The following NFATC1 variants were observed in gnomAD, a reference collection of about 807,000 sequenced individuals.
NFATC1 encodes nuclear factor of activated T-cells, cytoplasmic 1.
Under a neutral mutation model 76.0 loss-of-function variants are expected in NFATC1, and 22 were observed. That is an observed-to-expected ratio of 0.29 (90% CI 0.21 to 0.41). NFATC1 has a LOEUF of 0.41. Ranked by LOEUF, NFATC1 falls within the 10% of genes least tolerant of loss-of-function variation. The pLI is 1.00. For synonymous variants in NFATC1, 704 were observed against 613.1 expected, an observed-to-expected ratio of 1.15 and a Z score of -2.19; for missense variants, 1,357 against 1,337.7, an observed-to-expected ratio of 1.01 and a Z score of -0.23.
At chr18:79,436,859 C>T (rs908626569) in intron 3 of NFATC1, among the ~76,000 whole-genome samples, 3 of 152,086 alleles carry the variant, frequency 2.0e-5, no homozygotes, top group African/African-American at 4.8e-5. Flanking sequence ...GAGCACTGAG[C>T]GTGCCCCCTG....
chr18:79,433,674 A>G lies in NFATC1; in HGVS notation c.1322A>G (p.His441Arg). Reference sequence around the variant, plus strand: ...CAGCCCAAGTCCCACCACCGAGCCCACTACGAGACGGAGGGCAGCCGGGGG... The same window carrying G: ...CAGCCCAAGTCCCACCACCGAGCCCGCTACGAGACGGAGGGCAGCCGGGGG... The part of the protein sequence containing the change: ...EVQPKSHHRA[H>R]YETEGSRGAV... Residue 441 changes from histidine to arginine, a missense_variant, in exon 3 of 10, where the codon CAC (histidine) becomes CGC (arginine). Physicochemically the swap from His to Arg is conservative, Grantham distance 29. Coordinates refer to ENST00000427363, the MANE Select transcript of NFATC1 (RefSeq NM_001278669.2). The G allele has an allele frequency of 6.2e-7, 1 of 1,611,944 alleles. No homozygotes were observed. Among genetic ancestry groups the G allele is most frequent in the Non-Finnish European group, 8.5e-7 (1 of 1,179,218 alleles).
At chr18:79,452,031 G>A (rs1189356035) in intron 6 of NFATC1, 1 of 515,136 alleles carries the variant, frequency 1.9e-6, no homozygotes. Context: ...AGAGGTGGAT[G>A]TTTATTTCTG....
chr18:79,471,797 G>C (rs920411596), intron 8 of NFATC1, among the ~76,000 whole-genome samples: 49 of 152,256 alleles, frequency 3.2e-4, no homozygotes, highest in African/African-American at 1.1e-3. Flanking sequence ...TGTCGGAACA[G>C]ATCTGCCTCG....
chr18:79,445,824 C>T (rs995032054), intron 3 of NFATC1, among the ~76,000 whole-genome samples: 27 of 152,314 alleles, frequency 1.8e-4, no homozygotes, highest in Non-Finnish European at 3.1e-4. Context: ...CATTCCCACC[C>T]GTGAGCTGCC....
At chr18:79,505,651 C>G (rs866884550) in intron 9 of NFATC1, among the ~76,000 whole-genome samples, 177 of 145,332 alleles carry the variant, frequency 1.2e-3, no homozygotes, top group Middle Eastern at 3.5e-3. Flanking sequence ...GTGGACGAGA[C>G]CCTTGGGTGA....
At chr18:79,483,218 C>T (rs796133728) in intron 8 of NFATC1, among the ~76,000 whole-genome samples, 7 of 121,126 alleles carry the variant, frequency 5.8e-5, no homozygotes, top group South Asian at 2.8e-4. Context: ...GGTGTAATTC[C>T]AGCGTGACCT....
intron 8 of NFATC1, among the ~76,000 whole-genome samples, chr18:79,474,401 G>T (rs56186311): frequency 6.8e-6 from 1 of 147,972 alleles, no homozygotes; most frequent in Non-Finnish European, 1.5e-5. Flanking sequence ...AAACCTGAGG[G>T]AAGCGTGTTC....
At position 79,486,336 on chromosome 18, in the gene NFATC1, ACCAT is replaced by A; in HGVS notation, c.2182_2185del (p.Pro728ThrfsTer29). 1 of 1,612,990 alleles carries A rather than the reference ACCAT, an allele frequency of 6.2e-7. No individual in the cohort carries two copies. Among genetic ancestry groups the A allele is most frequent in the Non-Finnish European group, 8.5e-7 (1 of 1,179,978 alleles). ...GCCAGGGGTTAAGTCCTCTCCCAAG[ACCAT>A]ACTACAGCCAGCAGCTCGCGATGCC... is the stretch of plus-strand genomic sequence containing the variant. On this transcript the variant is annotated frameshift_variant, in exon 9 of 10. Coordinates refer to ENST00000427363, the MANE Select transcript of NFATC1 (RefSeq NM_001278669.2). LOFTEE classifies it high-confidence loss of function.
At position 79,465,890 on chromosome 18, in the gene NFATC1, G is replaced by A. The variant is rs559307294; in HGVS notation, c.1960-1560G>A. 4.6e-5 allele frequency among the ~76,000 whole-genome samples: 7 copies of A among 152,350 alleles called. No homozygotes were observed. The South Asian group carries it at 1.2e-3, about 27-fold the overall frequency. ...GTGCTCTGGGGGCAGCCCAGGCCCC[G>A]CCCACTGACAGCACTCATGGCCCCT... On this transcript the variant is annotated intron_variant, in intron 7 of 9. Coordinates refer to ENST00000427363, the MANE Select transcript of NFATC1 (RefSeq NM_001278669.2). This position sits in a 1 kb window ranked among gnomAD's most constrained non-coding sequence, Gnocchi z 4.2.
chr18:79,495,670 T>C (rs1452783066), intron 9 of NFATC1, among the ~76,000 whole-genome samples: 1 of 152,368 alleles, frequency 6.6e-6, no homozygotes, highest in Admixed American at 6.5e-5. Context: ...GACCAAGCCC[T>C]GATGTTCAGC....
intron 1 of NFATC1, among the ~76,000 whole-genome samples, chr18:79,408,952 A>G (rs1162917710): frequency 1.6e-5 from 2 of 124,618 alleles, no homozygotes; most frequent in Non-Finnish European, 3.3e-5. Context: ...TTCATTCATC[A>G]TCCATCCATC....
At chr18:79,433,307 G>T (rs1404182839) in intron 2 of NFATC1, among the ~76,000 whole-genome samples, 1 of 152,180 alleles carries the variant, frequency 6.6e-6, no homozygotes, top group Non-Finnish European at 1.5e-5. Flanking sequence ...TTACTGGAGG[G>T]TTAAGTAACT....
At chr18:79,517,457 G>A (rs571896464) in intron 9 of NFATC1, among the ~76,000 whole-genome samples, 1 of 152,132 alleles carries the variant, frequency 6.6e-6, no homozygotes, top group South Asian at 2.1e-4. Flanking sequence ...GTTTAATTAC[G>A]CTGTGTCCAG....
At chr18:79,461,971 T>C (rs61574242) in intron 7 of NFATC1, among the ~76,000 whole-genome samples, 21,311 of 152,278 alleles carry the variant, frequency 0.14, 4,760 homozygotes, top group African/African-American at 0.47. Context: ...GGGCGGTGCA[T>C]GTGTGCGGGG....
chr18:79,515,338 C>CAAA (rs75194540), intron 9 of NFATC1, among the ~76,000 whole-genome samples: 10 of 63,466 alleles, frequency 1.6e-4, no homozygotes, highest in Admixed American at 1.1e-3. Context: ...GACTCCATCT[C>CAAA]AAAAAAAAAA....
chr18:79,425,170 C>T (rs1351932371), intron 2 of NFATC1, among the ~76,000 whole-genome samples: 1 of 58,546 alleles, frequency 1.7e-5, no homozygotes, highest in African/African-American at 1.1e-4. Flanking sequence ...TCTGTCTCTC[C>T]ATCTGTCTCT....
intron 2 of NFATC1, among the ~76,000 whole-genome samples, chr18:79,426,043 C>T (rs945462260): frequency 2.6e-5 from 4 of 151,846 alleles, no homozygotes; most frequent in Admixed American, 1.3e-4. Flanking sequence ...GAGACCCCAT[C>T]TCTACACAAA....
Position 79,486,549 on chromosome 18 carries a change from C to T in NFATC1, c.2394C>T (p.Pro798=), listed in dbSNP as rs780548026. ...LGLPQPAGEA[P]AVQDVPRPVA... ...TCCCGCAGCCGGCCGGAGAGGCCCC[C>T]GCCGTCCAGGACGTGCCCAGGCCAG... Residue 798 remains proline, a synonymous_variant, in exon 9 of 10, where the codon CCC becomes CCT. Coordinates refer to ENST00000427363, the MANE Select transcript of NFATC1 (RefSeq NM_001278669.2). 8.8e-6 allele frequency: 14 copies of T among 1,595,626 alleles called. No homozygotes were observed. Among genetic ancestry groups the T allele is most frequent in the Middle Eastern group, 1.7e-4 (1 of 6,012 alleles).
rs2090696754 is a variant in NFATC1, at chr18:79,524,463, G to A, written c.2783-3065G>A. Among the ~76,000 whole-genome samples, 2 of 152,316 alleles carry A rather than the reference G, an allele frequency of 1.3e-5. No homozygotes were observed. Among genetic ancestry groups the A allele is most frequent in the South Asian group, 2.1e-4 (1 of 4,826 alleles). The stretch of plus-strand genomic sequence containing the variant: ...CTGTCAGCTGCTGCCATGGGGCAGC[G>A]GGAAGGCCCTGGAGGGTGCCTGGGC... On this transcript the variant is annotated intron_variant, in intron 9 of 9. Coordinates refer to ENST00000427363, the MANE Select transcript of NFATC1 (RefSeq NM_001278669.2). The surrounding 1 kb of genome is among the most constrained non-coding windows in gnomAD (Gnocchi z 7.2).
Sources: allele counts gnomAD v4.1 joint callset (sites outside exome capture counted in the v4.1 genomes callset), GRCh38; gene constraint gnomAD v4.1.1; non-coding constraint Gnocchi (gnomAD v3.1); transcripts MANE v1.5; gene names NCBI Gene and HGNC (gene_info 2026-07-23, HGNC 2026-07-21).